The following PROSER1 variants were observed in gnomAD, a reference collection of about 807,000 sequenced individuals.
PROSER1 encodes proline and serine rich 1.
A neutral mutation model predicts 71.8 loss-of-function variants in PROSER1; 36 were observed. The ratio of observed to expected loss-of-function variants is 0.50; its 90% CI spans 0.38 to 0.66. The LOEUF is 0.66. Ranked by LOEUF, PROSER1 falls within the 30% of genes least tolerant of loss-of-function variation. The probability of loss-of-function intolerance (pLI) is 0.00; values close to 1 mark genes in which losing one functional copy is unlikely to be tolerated. For synonymous variants in PROSER1, 490 were observed against 452.4 expected (o/e 1.08, Z -1.06); for missense variants, 1,107 against 1,135.0 (o/e 0.98, Z 0.35).
At chr13:39,014,732 G>T (rs544433934) in intron 10 of PROSER1, among the ~76,000 whole-genome samples, 2 of 152,264 alleles carry the variant, frequency 1.3e-5, no homozygotes, top group African/African-American at 4.8e-5. Flanking sequence ...AGAAGCTTGC[G>T]AAGTGTCCTT....
At chr13:39,017,383 T>G (rs1870053140) in intron 10 of PROSER1, 117 bp downstream of exon 10, 2 of 703,352 alleles carry the variant, frequency 2.8e-6, no homozygotes, top group Admixed American at 3.0e-5. Flanking sequence ...TTATATTCTT[T>G]AACCAGAAAC....
At chr13:39,027,555 C>T (rs1382990345) in intron 5 of PROSER1, among the ~76,000 whole-genome samples, 1 of 152,122 alleles carries the variant, frequency 6.6e-6, no homozygotes, top group Non-Finnish European at 1.5e-5. Context: ...AAGGAAGTTA[C>T]TGAAGTAAAT....
At chr13:39,021,090 G>A (rs965206278) in intron 9 of PROSER1, among the ~76,000 whole-genome samples, 1 of 152,162 alleles carries the variant, frequency 6.6e-6, no homozygotes, top group African/African-American at 2.4e-5. Flanking sequence ...CAAAGTAAAT[G>A]GGGAGACAAT....
At chr13:39,021,545 T>A (rs1310727378) in intron 9 of PROSER1, among the ~76,000 whole-genome samples, 2 of 152,088 alleles carry the variant, frequency 1.3e-5, no homozygotes, top group Non-Finnish European at 2.9e-5. Context: ...AGGCACCCCC[T>A]ATCACAATAC....
chr13:39,028,750 A>G lies in PROSER1; in HGVS notation c.276-430T>C, dbSNP rs1345421475. Among the ~76,000 whole-genome samples the G allele has an allele frequency of 3.3e-5, 5 of 152,268 alleles. No individual in the cohort carries two copies. The East Asian group carries it at 7.7e-4, about 23-fold the overall frequency. On this transcript the variant is annotated intron_variant, in intron 4 of 12. Coordinates refer to ENST00000352251, the MANE Select transcript of PROSER1 (RefSeq NM_025138.5). ...TTAAAAATGTATGTGTTACAAATAA[A>G]TAACTTATACATTCTTCAGTTATGC...
intron 5 of PROSER1, among the ~76,000 whole-genome samples, chr13:39,027,801 TTTTTAACTAATAAACTGGAA>T (rs1180807381): frequency 6.6e-6 from 1 of 152,232 alleles, no homozygotes; most frequent in Admixed American, 6.5e-5. Context: ...TTCTTACAGA[TTTTTAACTAATAAACTGGAA>T]TTTTAACTAA....
At position 39,012,445 on chromosome 13, in the gene PROSER1, G is replaced by C. The variant is rs1169875537; in HGVS notation, c.2562-212C>G. 22 of 656,788 alleles carry C rather than the reference G, an allele frequency of 3.3e-5. No individual in the cohort carries two copies. In the East Asian group the frequency reaches 6.1e-4, roughly 18 times the overall value. 40.7% of individuals were successfully genotyped at this position (656,788 alleles called of 1,614,324 possible). ...ATTCGAAATTCAGTAAGTCTGTTTTGCATATAATCCTTTCTGCTGTCTTAT... is the reference window on the plus strand; with the variant it reads ...ATTCGAAATTCAGTAAGTCTGTTTTCCATATAATCCTTTCTGCTGTCTTAT... On this transcript the variant is annotated intron_variant, in intron 11 of 12. Coordinates refer to ENST00000352251, the MANE Select transcript of PROSER1 (RefSeq NM_025138.5).
At chr13:39,026,677 T>C (rs1262052385) in intron 5 of PROSER1, among the ~76,000 whole-genome samples, 1 of 152,212 alleles carries the variant, frequency 6.6e-6, no homozygotes, top group Non-Finnish European at 1.5e-5. Context: ...TTATCTAATC[T>C]GTCCCATTTC....
chr13:39,029,225 C>T lies in PROSER1; in HGVS notation c.275+56G>A, dbSNP rs1023409422. 7.1e-5 allele frequency: 70 copies of T among 985,340 alleles called. No homozygotes were observed. In the East Asian group the frequency reaches 1.1e-3, roughly 16 times the overall value. The allele number at this position is 985,340 out of a possible 1,614,324, so 61.0% of individuals were successfully genotyped here. On this transcript the variant is annotated intron_variant, in intron 4 of 12. Coordinates refer to ENST00000352251, the MANE Select transcript of PROSER1 (RefSeq NM_025138.5). ...ACACACACTAATTAGACACTTAAAACGCTTCTACATTTTTTCCCAAGTAAA... is the reference window on the plus strand; with the variant it reads ...ACACACACTAATTAGACACTTAAAATGCTTCTACATTTTTTCCCAAGTAAA...
chr13:39,027,721 C>G (rs1455523224), intron 5 of PROSER1, among the ~76,000 whole-genome samples: 1 of 152,122 alleles, frequency 6.6e-6, no homozygotes, highest in Non-Finnish European at 1.5e-5. Flanking sequence ...CATCGCAATC[C>G]TACCTTAGAA....
At chr13:39,029,500 G>A in intron 3 of PROSER1, 125 bp from the exon 4 acceptor site, 1 of 490,048 alleles carries the variant, frequency 2.0e-6, no homozygotes, top group East Asian at 3.5e-5. Flanking sequence ...CACATTTTAG[G>A]TGAAAACCAC....
intron 2 of PROSER1, among the ~76,000 whole-genome samples, chr13:39,033,016 G>A (rs1870930471): frequency 6.6e-6 from 1 of 152,072 alleles, no homozygotes; most frequent in African/African-American, 2.4e-5. Flanking sequence ...TGCCTCCTGG[G>A]TTCAAGCAAT....
rs781391365 is a variant in PROSER1 at position 39,014,369 on chromosome 13, G to C, written c.883C>G (p.Pro295Ala). Residue 295 changes from proline to alanine, a missense_variant, in exon 11 of 13, where the codon CCA (proline) becomes GCA (alanine). Pro to Ala is a conservative substitution (Grantham distance 27). Coordinates refer to ENST00000352251, the MANE Select transcript of PROSER1 (RefSeq NM_025138.5). ...ACGGTGGCAGCTGCTGATGCTGATGGATGATTAATTGCCTTGACTGGGGAT... is the reference window on the plus strand; with the variant it reads ...ACGGTGGCAGCTGCTGATGCTGATGCATGATTAATTGCCTTGACTGGGGAT... ...TASPVKAINH[P>A]SASAAATVSG... 5 of 1,614,098 alleles carry C rather than the reference G, an allele frequency of 3.1e-6. No individual in the cohort carries two copies. Among genetic ancestry groups the C allele is most frequent in the Non-Finnish European group, 4.2e-6 (5 of 1,180,008 alleles).
chr13:39,013,241 T>C lies in PROSER1; in HGVS notation c.2011A>G (p.Asn671Asp). 6.2e-7 allele frequency: 1 copy of C among 1,613,936 alleles called. No homozygotes were observed. The highest frequency in any genetic ancestry group is 8.5e-7 in the Non-Finnish European group (1 of 1,179,974). Reference sequence around the variant, plus strand: ...ATAGAGGAAAGAGGATTTGAACCATTTAAAGGAGTACTCAAGCTGGAGAGA... The same window carrying C: ...ATAGAGGAAAGAGGATTTGAACCATCTAAAGGAGTACTCAAGCTGGAGAGA... ...SGLSSLSTPL[N>D]GSNPLSSISL... Residue 671 changes from asparagine to aspartate, a missense_variant, in exon 11 of 13, where the codon AAT (asparagine) becomes GAT (aspartate). Transcript: ENST00000352251.
Position 39,013,559 on chromosome 13 carries a change from C to T in PROSER1, c.1693G>A (p.Ala565Thr), listed in dbSNP as rs1237351933. The change falls in exon 11 of 13, where the codon GCA becomes ACA. Residue 565 changes from alanine to threonine, a missense_variant. Transcript: ENST00000352251. ...ACTGGCACTGACGTGGAAGCTGATGCAGCAGTGGCTAAAGGAGACTGTACA... is the reference window on the plus strand; with the variant it reads ...ACTGGCACTGACGTGGAAGCTGATGTAGCAGTGGCTAAAGGAGACTGTACA... ...LPVQSPLATA[A>T]SASTSVPVSC... 1 of 1,613,980 alleles carries T rather than the reference C, an allele frequency of 6.2e-7. No individual in the cohort carries two copies. The highest frequency in any genetic ancestry group is 8.5e-7 in the Non-Finnish European group (1 of 1,180,034).
intron 9 of PROSER1, among the ~76,000 whole-genome samples, chr13:39,021,840 C>CA (rs1490527127): frequency 2.0e-5 from 3 of 152,226 alleles, no homozygotes; most frequent in African/African-American, 7.2e-5. Flanking sequence ...CTAACCCTAT[C>CA]ACAGCACTGA....
intron 2 of PROSER1, among the ~76,000 whole-genome samples, chr13:39,032,706 A>G (rs1870906285): frequency 6.6e-6 from 1 of 152,150 alleles, no homozygotes; most frequent in African/African-American, 2.4e-5. Flanking sequence ...TATCTAATAA[A>G]TGCTATATTT....
rs770554115 is a variant in PROSER1, at chr13:39,014,124, G to A, written c.1128C>T (p.Thr376=). 33 of 1,613,502 alleles carry A rather than the reference G, an allele frequency of 2.0e-5. No homozygotes were observed. Among genetic ancestry groups the A allele is most frequent in the South Asian group, 1.8e-4 (16 of 91,050 alleles). ...TAGGTCCTGGGGTAGGAGTGGCTGC[G>A]GTAGGAGTGGCAGAAGGACCTGGCA... is the stretch of plus-strand genomic sequence containing the variant. ...VSLPGPSATP[T]AATPTPGPTP... Residue 376 remains threonine (T), a synonymous_variant, in exon 11 of 13, where the codon ACC becomes ACT. Coordinates refer to ENST00000352251, the MANE Select transcript of PROSER1 (RefSeq NM_025138.5).
At position 39,014,236 on chromosome 13, in the gene PROSER1, G is replaced by T; in HGVS notation, c.1016C>A (p.Thr339Asn). ...AACAGGTGCAGTGGGCAATGAAGGG[G>T]TTCTGATAACTGTTGGGTTTGGTAT... ...PSIPNPTVIR[T>N]PSLPTAPVTS... The change falls in exon 11 of 13, where the codon ACC (threonine) becomes AAC (asparagine). Residue 339 changes from threonine (T) to asparagine (N), a missense_variant. Transcript: ENST00000352251. 6.2e-7 allele frequency: 1 copy of T among 1,614,162 alleles called. No homozygotes were observed. Among genetic ancestry groups the T allele is most frequent in the Non-Finnish European group, 8.5e-7 (1 of 1,180,038 alleles).
Sources: allele counts gnomAD v4.1 joint callset (sites outside exome capture counted in the v4.1 genomes callset), GRCh38; gene constraint gnomAD v4.1.1; transcripts MANE v1.5; gene names NCBI Gene and HGNC (gene_info 2026-07-23, HGNC 2026-07-21).